The following VPS13C variants were observed in gnomAD, a reference collection of about 807,000 sequenced individuals.
VPS13C encodes vacuolar protein sorting 13 homolog C.
A neutral mutation model predicts 456.8 loss-of-function variants in VPS13C; 358 were observed. That is an observed-to-expected ratio of 0.78 (90% CI 0.72 to 0.86). VPS13C has a LOEUF of 0.86. Among genes scored for constraint, VPS13C ranks in the 40% least tolerant of loss-of-function variants. VPS13C has a pLI of 0.00. For missense variants in VPS13C, 4,818 were observed against 4,385.4 expected, an observed-to-expected ratio of 1.10 and a Z score of -2.79; for synonymous variants, 1,578 against 1,486.7, an observed-to-expected ratio of 1.06 and a Z score of -1.41.
chr15:62,020,823 A>G (rs1181729363), intron 8 of VPS13C, among the ~76,000 whole-genome samples: 1 of 152,016 alleles, frequency 6.6e-6, no homozygotes, highest in Non-Finnish European at 1.5e-5. Flanking sequence ...CTAGACAGTT[A>G]AAAAGGAATA....
rs2043063296 is a variant in VPS13C at position 61,903,416 on chromosome 15, A to G, written c.9105+3848T>C. Among the ~76,000 whole-genome samples, 3 of 150,264 alleles carry G rather than the reference A, an allele frequency of 2.0e-5. No individual in the cohort carries two copies. In the South Asian group the frequency reaches 6.4e-4, roughly 32 times the overall value. ...AAATCAAGAAAGCAATACCATTTAC[A>G]AAAGCTACAAAAAATATATAAAATA... On this transcript the variant is annotated intron_variant, in intron 66 of 84. Transcript: ENST00000644861.
At position 61,920,212 on chromosome 15, in the gene VPS13C, T is replaced by C; in HGVS notation, c.7332A>G (p.Val2444=). 1 of 1,613,682 alleles carries C rather than the reference T, an allele frequency of 6.2e-7. No individual in the cohort carries two copies. Among genetic ancestry groups the C allele is most frequent in the South Asian group, 1.1e-5 (1 of 91,052 alleles). Residue 2444 remains valine, a synonymous_variant, in exon 57 of 85, where the codon GTA becomes GTG. Transcript: ENST00000644861. The part of the protein sequence containing the change: ...IKVKPNCNLR[V]MGFPEKSDIF... The stretch of plus-strand genomic sequence containing the variant: ...TATCACTTTTCTCAGGGAAGCCCAT[T>C]ACTCTGAGATTACAATTGGGCTTCA...
Position 61,961,824 on chromosome 15 carries a change from C to A in VPS13C, c.3673G>T (p.Ala1225Ser). ...GCAAGATCTTTCACACTTGTGGCAG[C>A]CCTTTCTGCAGCCTGGGCAGTGGCA... ...SAATAQAAERAATSVKDLAQR... is the reference protein window; with the variant it reads ...SAATAQAAERSATSVKDLAQR... Residue 1225 changes from alanine to serine, a missense_variant, in exon 35 of 85, where the codon GCT becomes TCT. Ala to Ser is a moderately conservative substitution (Grantham distance 99). Transcript: ENST00000644861. The A allele has an allele frequency of 6.2e-7, 1 of 1,613,886 alleles. No homozygotes were observed. The highest frequency in any genetic ancestry group is 2.2e-5 in the East Asian group (1 of 44,884).
Position 62,010,494 on chromosome 15 carries a change from G to A in VPS13C, c.989C>T (p.Ala330Val), listed in dbSNP as rs1440433950. The change falls in exon 13 of 85, where the codon GCC (alanine) becomes GTC (valine). Residue 330 changes from alanine (A) to valine (V), a missense_variant. By Grantham distance (64) the Ala-to-Val change is moderately conservative. Coordinates refer to ENST00000644861, the MANE Select transcript of VPS13C (RefSeq NM_020821.3). ...LDCNIEIQNI[A>V]IELTKPQYLS... The stretch of plus-strand genomic sequence containing the variant: ...TACCTGAGGTTTGGTCAGTTCAATG[G>A]CAATATTTTGTATTTCTATGTTGCA... 1.2e-6 allele frequency: 2 copies of A among 1,612,540 alleles called. No individual in the cohort carries two copies. Among genetic ancestry groups the A allele is most frequent in the South Asian group, 1.1e-5 (1 of 90,832 alleles).
Position 61,902,583 on chromosome 15 carries a change from CAAGGACAAAAACCATG to C in VPS13C, c.9105+4665_9105+4680del, listed in dbSNP as rs1255612984. Among the ~76,000 whole-genome samples, 1,452 of 151,990 alleles carry C rather than the reference CAAGGACAAAAACCATG, an allele frequency of 9.6e-3. 27 individuals are homozygous for C. Among genetic ancestry groups the C allele is most frequent in the African/African-American group, 0.034 (1,392 of 41,384 alleles). On this transcript the variant is annotated intron_variant, in intron 66 of 84. Transcript: ENST00000644861. ...ACATGACACATGACATTAATAGAAT[CAAGGACAAAAACCATG>C]TGATCATTTCAACAGATGCTAAAAA... is the stretch of plus-strand genomic sequence containing the variant.
rs1173374698 is a variant in VPS13C at position 61,946,174 on chromosome 15, G to A, written c.4980+133C>T. Reference sequence around the variant, plus strand: ...CACAATGTGAAAGCAGACTATTACCGTTTTCATCTCCAATTCCTAATAAAG... The same window carrying A: ...CACAATGTGAAAGCAGACTATTACCATTTTCATCTCCAATTCCTAATAAAG... On this transcript the variant is annotated intron_variant, in intron 44 of 84. Transcript: ENST00000644861. 32 of 742,848 alleles carry A rather than the reference G, an allele frequency of 4.3e-5. No individual in the cohort carries two copies. The East Asian group carries it at 4.9e-4, about 11-fold the overall frequency. The allele number at this position is 742,848 out of a possible 1,614,324, so 46.0% of individuals were successfully genotyped here. A position where few individuals can be genotyped will look rare whatever the true frequency, so the allele number is the denominator to read the frequency against.
At chr15:61,862,011 A>G (rs1417885284) in intron 82 of VPS13C, among the ~76,000 whole-genome samples, 2 of 152,170 alleles carry the variant, frequency 1.3e-5, no homozygotes, top group Non-Finnish European at 2.9e-5. Flanking sequence ...GAGGCACGAG[A>G]ATCACTTGAA....
intron 15 of VPS13C, among the ~76,000 whole-genome samples, chr15:62,002,366 GTTTGT>G (rs2046655332): frequency 6.6e-6 from 1 of 152,030 alleles, no homozygotes. Flanking sequence ...TGATGGGGTT[GTTTGT>G]TTTTTTCTTG....
At chr15:61,910,342 T>C in intron 63 of VPS13C, 37 bp from the exon 64 acceptor site, 2 of 1,355,284 alleles carry the variant, frequency 1.5e-6, no homozygotes, top group South Asian at 1.9e-5. Flanking sequence ...CTTAAGACAA[T>C]ACCGTTATAT....
At chr15:61,973,595 T>C (rs2045619818) in intron 25 of VPS13C, 63 bp from the exon 26 acceptor site, 3 of 1,232,090 alleles carry the variant, frequency 2.4e-6, no homozygotes, top group East Asian at 4.7e-5. Context: ...ATGTCATAAA[T>C]GAGAGGAAGA....
At chr15:61,918,587 G>A (rs944926082) in intron 58 of VPS13C, among the ~76,000 whole-genome samples, 3 of 151,892 alleles carry the variant, frequency 2.0e-5, no homozygotes, top group Non-Finnish European at 4.4e-5. Flanking sequence ...AATGTATCAT[G>A]TATAACAACT....
chr15:61,872,408 A>T (rs1437279020), intron 78 of VPS13C, among the ~76,000 whole-genome samples: 1 of 152,098 alleles, frequency 6.6e-6, no homozygotes. Context: ...TTACTATCTA[A>T]TTATAAATTT....
intron 15 of VPS13C, among the ~76,000 whole-genome samples, chr15:62,005,525 T>A (rs1479165573): frequency 6.6e-6 from 1 of 151,962 alleles, no homozygotes; most frequent in African/African-American, 2.4e-5. Context: ...ACATTTAAAG[T>A]TAATATTGTT....
At chr15:61,968,359 T>G (rs1290822301) in intron 28 of VPS13C, among the ~76,000 whole-genome samples, 3 of 152,022 alleles carry the variant, frequency 2.0e-5, no homozygotes, top group African/African-American at 7.2e-5. Flanking sequence ...ATTTACAATG[T>G]ATTAGGTATT....
chr15:61,962,638 T>A (rs571243672), intron 33 of VPS13C, 100 bp from the exon 34 acceptor site: 94 of 1,335,216 alleles, frequency 7.0e-5, no homozygotes, highest in East Asian at 6.1e-4. Context: ...TATAAAAAAA[T>A]TTTTCTATTG....
intron 4 of VPS13C, among the ~76,000 whole-genome samples, chr15:62,034,063 A>G (rs1483228958): frequency 6.6e-6 from 1 of 151,672 alleles, no homozygotes; most frequent in Non-Finnish European, 1.5e-5. Context: ...CTATAATGAC[A>G]TATTTATAGT....
rs751716596 is a variant in VPS13C at position 62,034,999 on chromosome 15, C to T, written c.241G>A (p.Ala81Thr). 1 of 1,603,522 alleles carries T rather than the reference C, an allele frequency of 6.2e-7. No homozygotes were observed. Among genetic ancestry groups the T allele is most frequent in the East Asian group, 2.3e-5 (1 of 44,432 alleles). ...AGCAGGTATAATCCTTCCAGGGTCGCAACAACTGCTTCTCCATAAAGGTTC... is the reference window on the plus strand; with the variant it reads ...AGCAGGTATAATCCTTCCAGGGTCGTAACAACTGCTTCTCCATAAAGGTTC... ...WKNLYGEAVV[A>T]TLEGLYLLVV... Residue 81 changes from alanine to threonine, a missense_variant, in exon 4 of 85, where the codon GCG becomes ACG. Physicochemically the swap from Ala to Thr is moderately conservative, Grantham distance 58. Transcript: ENST00000644861.
intron 75 of VPS13C, among the ~76,000 whole-genome samples, chr15:61,876,441 T>C (rs928898235): frequency 1.3e-5 from 2 of 151,944 alleles, no homozygotes; most frequent in Non-Finnish European, 2.9e-5. Context: ...AGGGAAAACA[T>C]ATCCTCATTT....
chr15:61,881,393 C>CA lies in VPS13C; in HGVS notation c.9776+169_9776+170insT, dbSNP rs528582782. Among the ~76,000 whole-genome samples the CA allele has an allele frequency of 3.9e-3, 596 of 152,208 alleles. 4 individuals carry two copies. The highest frequency in any genetic ancestry group is 0.013 in the African/African-American group (561 of 41,558). ...TACACTTTAAAATATGTAGAGACTA[C>CA]TACTAAAATAAGTTGAAGCATAAAA... On this transcript the variant is annotated intron_variant, in intron 71 of 84. Transcript: ENST00000644861.
Sources: gnomAD v4.1 joint callset for allele counts (sites outside exome capture counted in the v4.1 genomes callset) on GRCh38, gnomAD v4.1.1 for gene constraint, MANE v1.5 for transcripts, NCBI Gene and HGNC (gene_info 2026-07-23, HGNC 2026-07-21) for gene names.